TMEM132B: variants seen among roughly 807,000 people sequenced by gnomAD.
TMEM132B encodes transmembrane protein 132B.
Under a neutral mutation model 90.8 loss-of-function variants are expected in TMEM132B, and 18 were observed. The observed-to-expected ratio is 0.20, with a 90% CI of 0.14 to 0.29. The LOEUF (loss-of-function observed/expected upper bound fraction) is 0.29, where lower values mean the gene tolerates loss of function less well. Among genes scored for constraint, TMEM132B ranks in the 10% least tolerant of loss-of-function variants. The pLI is 1.00. For synonymous variants in TMEM132B, 504 were observed against 523.3 expected, an observed-to-expected ratio of 0.96 and a Z score of 0.50; for missense variants, 1,096 against 1,326.8, an observed-to-expected ratio of 0.83 and a Z score of 2.70.
chr12:125,495,201 G>T (rs1412964721), intron 3 of TMEM132B, among the ~76,000 whole-genome samples: 4 of 99,360 alleles, frequency 4.0e-5, no homozygotes, highest in Non-Finnish European at 7.6e-5. Flanking sequence ...GGCAATGGCC[G>T]CTTCCCTCCT....
chr12:125,519,416 C>T (rs748612979), intron 3 of TMEM132B, 23 bp from the exon 4 acceptor site: 4 of 1,587,156 alleles, frequency 2.5e-6, no homozygotes, highest in Non-Finnish European at 3.4e-6. Context: ...TAAATGGAAC[C>T]TTAATATGTG....
intron 4 of TMEM132B, among the ~76,000 whole-genome samples, chr12:125,533,859 T>A (rs906294519): frequency 8.5e-5 from 13 of 152,260 alleles, no homozygotes; most frequent in African/African-American, 3.1e-4. Flanking sequence ...GCCAAAATCT[T>A]AATAGGCTTT....
chr12:125,280,936 TGATA>T (rs1238441889), intron 1 of TMEM132B, among the ~76,000 whole-genome samples: 3 of 152,200 alleles, frequency 2.0e-5, no homozygotes, highest in African/African-American at 7.2e-5. Flanking sequence ...AACGGGGGGC[TGATA>T]GTTAAGTCCT....
intron 4 of TMEM132B, among the ~76,000 whole-genome samples, chr12:125,575,377 C>T (rs1436205839): frequency 6.6e-6 from 1 of 151,682 alleles, no homozygotes; most frequent in Non-Finnish European, 1.5e-5. Context: ...TGGAAAATGT[C>T]TATTCAAATC....
chr12:125,224,852 A>G (rs1873641442), intron 1 of TMEM132B, among the ~76,000 whole-genome samples: 1 of 152,252 alleles, frequency 6.6e-6, no homozygotes, highest in Admixed American at 6.5e-5. Context: ...TCTGTTGAAA[A>G]GCAGGTTTTC....
At chr12:125,393,396 G>T (rs1879082093) in intron 2 of TMEM132B, among the ~76,000 whole-genome samples, 1 of 152,114 alleles carries the variant, frequency 6.6e-6, no homozygotes, top group Non-Finnish European at 1.5e-5. Context: ...ATTAGTTGTG[G>T]TAAATATGAG....
intron 1 of TMEM132B, among the ~76,000 whole-genome samples, chr12:125,280,063 G>A (rs1400988190): frequency 2.0e-5 from 3 of 152,222 alleles, no homozygotes; most frequent in South Asian, 2.1e-4. Flanking sequence ...CCTGTCCTTC[G>A]TCACCCAGCT....
intron 3 of TMEM132B, among the ~76,000 whole-genome samples, chr12:125,446,241 T>A (rs751218906): frequency 1.3e-5 from 2 of 152,250 alleles, no homozygotes; most frequent in African/African-American, 2.4e-5. Context: ...AGGTGACTCA[T>A]ACAATGCACT....
chr12:125,388,247 G>T (rs909291795), intron 2 of TMEM132B, among the ~76,000 whole-genome samples: 1 of 152,120 alleles, frequency 6.6e-6, no homozygotes. Context: ...GACTGACATA[G>T]TGAAACCCTA....
At chr12:125,638,369 T>G (rs1225610118) in intron 5 of TMEM132B, among the ~76,000 whole-genome samples, 2 of 152,328 alleles carry the variant, frequency 1.3e-5, no homozygotes, top group Admixed American at 1.3e-4. Context: ...TATTATTCCT[T>G]TTGGCATTTA....
intron 3 of TMEM132B, among the ~76,000 whole-genome samples, chr12:125,440,706 A>G (rs937027062): frequency 2.0e-5 from 3 of 152,240 alleles, no homozygotes; most frequent in Non-Finnish European, 4.4e-5. Flanking sequence ...GTAGGCAACA[A>G]ATCAGTGGCC....
At chr12:125,290,744 T>G (rs1875514574) in intron 1 of TMEM132B, among the ~76,000 whole-genome samples, 2 of 152,218 alleles carry the variant, frequency 1.3e-5, no homozygotes, top group South Asian at 4.1e-4. Flanking sequence ...CTTGCCACGG[T>G]AAACAATACT....
intron 1 of TMEM132B, among the ~76,000 whole-genome samples, chr12:125,207,603 T>C (rs1199166471): frequency 2.0e-5 from 3 of 152,210 alleles, no homozygotes; most frequent in African/African-American, 7.2e-5. Flanking sequence ...ATTTACCATC[T>C]TAACAATTTT....
chr12:125,311,294 A>T lies in TMEM132B; in HGVS notation c.68-38158A>T, dbSNP rs188925624. ...CATTTTGATTCTGGGTTATGAGGGG[A>T]GGCAGGCAACTGCTGCTTGGGAATG... On this transcript the variant is annotated intron_variant, in intron 1 of 8. Transcript: ENST00000682704. 2.1e-3 allele frequency among the ~76,000 whole-genome samples: 327 copies of T among 152,270 alleles called. 2 individuals are homozygous for T. The highest frequency in any genetic ancestry group is 7.1e-3 in the African/African-American group (294 of 41,546).
intron 1 of TMEM132B, among the ~76,000 whole-genome samples, chr12:125,287,368 T>C (rs974226875): frequency 1.3e-5 from 2 of 152,200 alleles, no homozygotes; most frequent in Non-Finnish European, 2.9e-5. Context: ...GTTCTGGGAA[T>C]TGGGACGTGG....
chr12:125,415,433 T>C lies in TMEM132B; in HGVS notation c.960-98T>C, dbSNP rs379676. The C allele has an allele frequency of 0.15, 210,113 of 1,423,648 alleles. 19,132 individuals are homozygous for C. The highest frequency in any genetic ancestry group is 0.33 in the South Asian group (21,127 of 63,702). 88.2% of individuals were successfully genotyped at this position (1,423,648 alleles called of 1,614,324 possible). On this transcript the variant is annotated intron_variant, in intron 2 of 8. Coordinates refer to ENST00000682704, the MANE Select transcript of TMEM132B (RefSeq NM_001366854.1). This position sits in a 1 kb window ranked among gnomAD's most constrained non-coding sequence, Gnocchi z 5.3. ...CAGAGGAAGGGGGCGATGTTACAGA[T>C]GCTTTCCCAGTGATCTGCTCTCGTG...
At chr12:125,291,867 A>G (rs1875550062) in intron 1 of TMEM132B, among the ~76,000 whole-genome samples, 1 of 152,220 alleles carries the variant, frequency 6.6e-6, no homozygotes, top group African/African-American at 2.4e-5. Context: ...AACCATCAGC[A>G]CCGTCTATCT....
intron 1 of TMEM132B, among the ~76,000 whole-genome samples, chr12:125,327,130 G>A: frequency 6.6e-6 from 1 of 151,980 alleles, no homozygotes; most frequent in Non-Finnish European, 1.5e-5. Context: ...CACTCTGCAT[G>A]TTTCTCTTTG....
At chr12:125,361,981 T>C (rs1877972511) in intron 2 of TMEM132B, among the ~76,000 whole-genome samples, 1 of 152,082 alleles carries the variant, frequency 6.6e-6, no homozygotes, top group South Asian at 2.1e-4. Context: ...ACTTAGTTTG[T>C]ACCAAGCCAC....
Sources: allele counts gnomAD v4.1 joint callset (sites outside exome capture counted in the v4.1 genomes callset), GRCh38; gene constraint gnomAD v4.1.1; non-coding constraint Gnocchi (gnomAD v3.1); transcripts MANE v1.5; gene names NCBI Gene and HGNC (gene_info 2026-07-23, HGNC 2026-07-21).